BTBD10: variants seen among roughly 807,000 people sequenced by gnomAD.
BTBD10 encodes the protein BTB domain containing 10.
Under a neutral mutation model 53.2 loss-of-function variants are expected in BTBD10, and 21 were observed. The observed-to-expected ratio is 0.39, with a 90% CI of 0.28 to 0.57. The LOEUF (loss-of-function observed/expected upper bound fraction) is 0.57. Among genes scored for constraint, BTBD10 ranks in the 20% least tolerant of loss-of-function variants. BTBD10 has a pLI of 0.53. For synonymous variants in BTBD10, 149 were observed against 192.7 expected, an observed-to-expected ratio of 0.77 and a Z score of 1.88; for missense variants, 360 against 594.7, an observed-to-expected ratio of 0.61 and a Z score of 4.10.
chr11:13,415,992 G>A (rs759906238), intron 5 of BTBD10, among the ~76,000 whole-genome samples: 18 of 151,666 alleles, frequency 1.2e-4, no homozygotes, highest in Admixed American at 6.6e-5. Flanking sequence ...ATTACAAGTA[G>A]GGACTCTGTG....
intron 6 of BTBD10, among the ~76,000 whole-genome samples, 193 bp from the exon 7 acceptor site, chr11:13,406,049 G>C (rs1375205330): frequency 6.6e-6 from 1 of 152,054 alleles, no homozygotes; most frequent in Non-Finnish European, 1.5e-5. Context: ...CCCTAGCCTA[G>C]CGTATTTTTC....
chr11:13,388,627 C>T lies in BTBD10; in HGVS notation c.*204G>A. The stretch of plus-strand genomic sequence containing the variant: ...TACTGGTAAACAAATACATTTACAA[C>T]TGGAACTTCAAAATGCTAGAGTTGT... On this transcript the variant is annotated 3_prime_UTR_variant, in exon 9 of 9. Coordinates refer to ENST00000278174, the MANE Select transcript of BTBD10 (RefSeq NM_032320.7). 2.0e-6 allele frequency: 1 copy of T among 504,962 alleles called. No homozygotes were observed. Among genetic ancestry groups the T allele is most frequent in the Non-Finnish European group, 3.4e-6 (1 of 291,780 alleles). 31.3% of individuals were successfully genotyped at this position (504,962 alleles called of 1,614,324 possible).
intron 6 of BTBD10, among the ~76,000 whole-genome samples, chr11:13,406,857 C>CTT (rs1350618250): frequency 2.0e-5 from 3 of 151,522 alleles, no homozygotes; most frequent in African/African-American, 7.3e-5. Context: ...TTAGCCATGT[C>CTT]TCTCTCCAGG....
intron 3 of BTBD10, among the ~76,000 whole-genome samples, chr11:13,420,291 G>C (rs1045532394): frequency 6.6e-6 from 1 of 150,864 alleles, no homozygotes; most frequent in Non-Finnish European, 1.5e-5. Context: ...AAAAAAGAAA[G>C]AAATTCACTA....
intron 8 of BTBD10, among the ~76,000 whole-genome samples, chr11:13,393,665 C>T (rs982087499): frequency 3.9e-5 from 6 of 152,176 alleles, no homozygotes; most frequent in African/African-American, 1.4e-4. Flanking sequence ...ACAGAAGAGC[C>T]TGGTTAGTTA....
chr11:13,397,618 T>A (rs906840205), intron 8 of BTBD10, among the ~76,000 whole-genome samples: 2 of 152,204 alleles, frequency 1.3e-5, no homozygotes, highest in Non-Finnish European at 2.9e-5. Flanking sequence ...TCTCTAGTTC[T>A]TTTAATTGTG....
chr11:13,457,303 A>C (rs1950991483), intron 1 of BTBD10, among the ~76,000 whole-genome samples: 1 of 152,222 alleles, frequency 6.6e-6, no homozygotes, highest in Non-Finnish European at 1.5e-5. Flanking sequence ...AACTCCACTA[A>C]TATTCCATAA....
chr11:13,419,784 T>G, intron 3 of BTBD10, 39 bp from the exon 4 acceptor site: 1 of 1,450,542 alleles, frequency 6.9e-7, no homozygotes, highest in African/African-American at 1.4e-5. Flanking sequence ...GCAAATTTTC[T>G]TTTACAAATT....
chr11:13,450,511 G>A (rs998982114), intron 1 of BTBD10, among the ~76,000 whole-genome samples: 2 of 152,116 alleles, frequency 1.3e-5, no homozygotes, highest in African/African-American at 4.8e-5. Flanking sequence ...TAAAAACACA[G>A]AAAATGTATG....
intron 2 of BTBD10, among the ~76,000 whole-genome samples, chr11:13,429,753 C>T (rs1192624735): frequency 2.0e-5 from 3 of 151,890 alleles, no homozygotes; most frequent in Admixed American, 6.6e-5. Context: ...AAGAGCAAAC[C>T]GACAACTGAA....
At chr11:13,419,394 A>T (rs1275227073) in intron 4 of BTBD10, 66 bp downstream of exon 4, 5 of 1,557,228 alleles carry the variant, frequency 3.2e-6, no homozygotes, top group Non-Finnish European at 4.3e-6. Context: ...TAAAACTTAA[A>T]CAAAAAAATA....
chr11:13,460,654 G>A (rs1253861315), intron 1 of BTBD10, among the ~76,000 whole-genome samples: 1 of 152,182 alleles, frequency 6.6e-6, no homozygotes, highest in Admixed American at 6.5e-5. Flanking sequence ...GCACAAGAGT[G>A]TTTGCTTCAC....
At chr11:13,403,556 A>AT (rs1367279508) in intron 7 of BTBD10, among the ~76,000 whole-genome samples, 19 of 152,108 alleles carry the variant, frequency 1.2e-4, no homozygotes, top group African/African-American at 4.6e-4. Context: ...TCATCTACAC[A>AT]TTTATTGGAA....
At chr11:13,439,188 A>G (rs1388567626) in intron 2 of BTBD10, among the ~76,000 whole-genome samples, 1 of 152,106 alleles carries the variant, frequency 6.6e-6, no homozygotes, top group African/African-American at 2.4e-5. Context: ...GAAAAAAACC[A>G]TTAGTCAAAA....
At chr11:13,429,334 C>T (rs1408285119) in intron 2 of BTBD10, among the ~76,000 whole-genome samples, 1 of 151,816 alleles carries the variant, frequency 6.6e-6, no homozygotes, top group Non-Finnish European at 1.5e-5. Flanking sequence ...CTAGAATAGC[C>T]TAAATAATTT....
intron 8 of BTBD10, among the ~76,000 whole-genome samples, chr11:13,391,158 A>G (rs1320261112): frequency 6.6e-6 from 1 of 152,186 alleles, no homozygotes; most frequent in Non-Finnish European, 1.5e-5. Flanking sequence ...AGAATATTAT[A>G]CAAGGCTTTT....
At chr11:13,435,177 A>ATTTTTTTTTTTTTTTTTTTTTTTTTTTT (rs1565260389) in intron 2 of BTBD10, among the ~76,000 whole-genome samples, 3 of 152,112 alleles carry the variant, frequency 2.0e-5, no homozygotes, top group African/African-American at 7.2e-5. Flanking sequence ...TAGCATGAAA[A>ATTTTTTTTTTTTTTTTTTTTTTTTTTTT]ATTTTTTAAA....
chr11:13,412,085 C>T (rs1037164189), intron 6 of BTBD10, among the ~76,000 whole-genome samples: 1 of 152,090 alleles, frequency 6.6e-6, no homozygotes, highest in African/African-American at 2.4e-5. Flanking sequence ...ACCGCCTCTG[C>T]CTCCCAAAGT....
chr11:13,421,690 T>C lies in BTBD10; in HGVS notation c.250A>G (p.Thr84Ala). 1 of 1,614,044 alleles carries C rather than the reference T, an allele frequency of 6.2e-7. No individual in the cohort carries two copies. Among genetic ancestry groups the C allele is most frequent in the Non-Finnish European group, 8.5e-7 (1 of 1,180,006 alleles). Residue 84 changes from threonine to alanine, a missense_variant, in exon 3 of 9, where the codon ACT (threonine) becomes GCT (alanine). Transcript: ENST00000278174. ...SSHERTESQL[T>A]PCIRNVTSPT... ...GAAGTCACATTTCTAATACAAGGAG[T>C]GAGCTGAGACTCCGTTCTTTCATGA...
Sources: gnomAD v4.1 joint callset for allele counts (sites outside exome capture counted in the v4.1 genomes callset) on GRCh38, gnomAD v4.1.1 for gene constraint, MANE v1.5 for transcripts, NCBI Gene and HGNC (gene_info 2026-07-23, HGNC 2026-07-21) for gene names.